LTA4H: variants seen among roughly 807,000 people sequenced by gnomAD.
LTA4H encodes leukotriene A4 hydrolase, also known as leukotriene A-4 hydrolase.
A neutral mutation model predicts 89.8 loss-of-function variants in LTA4H; 59 were observed. The observed-to-expected ratio is 0.66, with a 90% CI of 0.53 to 0.82. LTA4H has a LOEUF of 0.82. Ranked by LOEUF, LTA4H falls within the 40% of genes least tolerant of loss-of-function variation. LTA4H has a pLI of 0.00. For synonymous variants in LTA4H, 227 were observed against 253.1 expected (o/e 0.90, Z 0.98); for missense variants, 617 against 727.0 (o/e 0.85, Z 1.74).
chr12:96,024,200 G>A (rs1326217325), intron 4 of LTA4H, among the ~76,000 whole-genome samples: 1 of 152,046 alleles, frequency 6.6e-6, no homozygotes, highest in Non-Finnish European at 1.5e-5. Flanking sequence ...CCAAAGTGCT[G>A]GGATTACAGG....
chr12:96,027,404 A>C (rs1950524222), intron 3 of LTA4H, 40 bp downstream of exon 3: 4 of 1,547,540 alleles, frequency 2.6e-6, no homozygotes, highest in Non-Finnish European at 3.5e-6. Context: ...ATAGGTGCTG[A>C]AATTTTCTGC....
At chr12:96,019,023 G>A in intron 7 of LTA4H, 120 bp from the exon 8 acceptor site, 12 of 1,205,094 alleles carry the variant, frequency 1.0e-5, no homozygotes, top group Non-Finnish European at 1.4e-5. Context: ...AAATGAAAAT[G>A]ATAAAAAGAA....
At chr12:96,036,046 C>A (rs934774056), upstream of LTA4H, among the ~76,000 whole-genome samples, 2 of 152,302 alleles carry the variant, frequency 1.3e-5, no homozygotes, top group South Asian at 2.1e-4. Flanking sequence ...TGGTGAGTAT[C>A]CCCGCCTGTC....
At chr12:96,013,056 A>C in intron 14 of LTA4H, 132 bp downstream of exon 14, 1 of 673,446 alleles carries the variant, frequency 1.5e-6, no homozygotes, top group South Asian at 2.1e-5. Flanking sequence ...GTTAAGGCCA[A>C]AACACCTAAG....
At chr12:96,037,829 C>T (rs965112403), upstream of LTA4H, among the ~76,000 whole-genome samples, 1 of 151,626 alleles carries the variant, frequency 6.6e-6, no homozygotes, top group African/African-American at 2.4e-5. Context: ...GGACTACAGG[C>T]GCCCGTCACC....
chr12:96,009,234 C>A, intron 14 of LTA4H, 86 bp from the exon 15 acceptor site: 2 of 856,896 alleles, frequency 2.3e-6, no homozygotes, highest in Non-Finnish European at 3.8e-6. Flanking sequence ...ACTTAAATTT[C>A]AAAGTCCCTT....
Position 96,043,230 on chromosome 12 carries a change from T to C in LTA4H, c.87+59A>G, listed in dbSNP as rs1950701555. The C allele has an allele frequency of 2.5e-6, 3 of 1,215,086 alleles. No individual in the cohort carries two copies. The African/African-American group carries it at 4.5e-5, about 18-fold the overall frequency. 75.3% of individuals were successfully genotyped at this position (1,215,086 alleles called of 1,614,324 possible). Reference sequence around the variant, plus strand: ...AGACCCGGGAGGTGAATTGAAGGGGTAGGCAGGGACTCGACTTGAAAGAAC... The same window carrying C: ...AGACCCGGGAGGTGAATTGAAGGGGCAGGCAGGGACTCGACTTGAAAGAAC... On this transcript the variant is annotated intron_variant, in intron 1 of 17. Coordinates refer to the LTA4H transcript ENST00000413268.
chr12:96,035,755 G>T, upstream of LTA4H: 2 of 1,041,904 alleles, frequency 1.9e-6, no homozygotes, highest in African/African-American at 1.6e-5. Context: ...GAGCGTGTGT[G>T]TTAGGGATGT....
At chr12:96,023,093 C>A (rs1950472942) in intron 4 of LTA4H, among the ~76,000 whole-genome samples, 1 of 152,122 alleles carries the variant, frequency 6.6e-6, no homozygotes, top group Non-Finnish European at 1.5e-5. Context: ...CTGATGAATG[C>A]CAGAATAAAG....
intron 14 of LTA4H, chr12:96,009,381 A>C (rs902405449): frequency 3.9e-6 from 2 of 507,728 alleles, no homozygotes; most frequent in African/African-American, 3.9e-5. Context: ...TCTTTTAGAA[A>C]GAATGCCAAA....
At chr12:96,033,508 T>C (rs1282671049) in intron 1 of LTA4H, among the ~76,000 whole-genome samples, 2 of 152,226 alleles carry the variant, frequency 1.3e-5, no homozygotes, top group Admixed American at 6.5e-5. Flanking sequence ...TACTTTTGAA[T>C]GTAGGACGTA....
intron 1 of LTA4H, among the ~76,000 whole-genome samples, chr12:96,030,462 G>T (rs1015048465): frequency 2.6e-5 from 4 of 152,030 alleles, no homozygotes; most frequent in Non-Finnish European, 4.4e-5. Context: ...CATTGAATAG[G>T]CTTCTAAAAA....
At chr12:96,029,937 A>G (rs1037340391) in intron 1 of LTA4H, among the ~76,000 whole-genome samples, 1 of 152,126 alleles carries the variant, frequency 6.6e-6, no homozygotes, top group Non-Finnish European at 1.5e-5. Flanking sequence ...TAAATATTCT[A>G]GTTTTCCTCC....
At chr12:96,011,683 A>G (rs1179499188) in intron 14 of LTA4H, 2 of 152,216 alleles carry the variant, frequency 1.3e-5, no homozygotes, top group African/African-American at 4.8e-5. Flanking sequence ...CTGACAATAA[A>G]TGTGTGCTGG....
chr12:96,036,200 A>G (rs1950645392), upstream of LTA4H, among the ~76,000 whole-genome samples: 1 of 152,206 alleles, frequency 6.6e-6, no homozygotes, highest in African/African-American at 2.4e-5. Flanking sequence ...GCATCTCTCA[A>G]ACGGAGAAAG....
rs189024158 is a variant in LTA4H at position 96,000,981 on chromosome 12, G to T, written c.*8C>A. On this transcript the variant is annotated 3_prime_UTR_variant, in exon 19 of 19. Transcript: ENST00000228740. ...GAGAAATCTCTAAAATCATCAATAC[G>T]CAGGTCTTTAATCCACTTTTAAGTC... is the stretch of plus-strand genomic sequence containing the variant. 2 of 1,537,220 alleles carry T rather than the reference G, an allele frequency of 1.3e-6. No homozygotes were observed. The highest frequency in any genetic ancestry group is 1.1e-5 in the South Asian group (1 of 89,496).
chr12:96,016,765 G>A lies in LTA4H; in HGVS notation c.947+279C>T, dbSNP rs548068917. On this transcript the variant is annotated intron_variant, in intron 10 of 18. Transcript: ENST00000228740. ...AAATACAAAAAATTAGCTGGGCGTG[G>A]TGGCGCATGCCTGTAATCCCAGCTA... Among the ~76,000 whole-genome samples the A allele has an allele frequency of 5.3e-5, 8 of 152,130 alleles. No homozygotes were observed. The East Asian group carries it at 1.5e-3, about 29-fold the overall frequency.
intron 9 of LTA4H, 117 bp downstream of exon 9, chr12:96,017,440 A>T: frequency 1.2e-6 from 1 of 807,784 alleles, no homozygotes; most frequent in Non-Finnish European, 2.0e-6. Context: ...ATGTGAGAAG[A>T]GTCCCCAAAT....
Position 96,018,862 on chromosome 12 carries a change from C to T in LTA4H, c.753G>A (p.Pro251=), listed in dbSNP as rs181715691. Residue 251 remains proline (P), a synonymous_variant, in exon 8 of 19, where the codon CCG becomes CCA. Transcript: ENST00000228740. ...MLKIAEDLGG[P]YVWGQYDLLV... ...ATAGGTCATACTGTCCCCATACATA[C>T]GGTCCTCCCAGATCTTCTGCTATTT... 43 of 1,602,136 alleles carry T rather than the reference C, an allele frequency of 2.7e-5. No individual in the cohort carries two copies. The highest frequency in any genetic ancestry group is 1.1e-4 in the South Asian group (10 of 88,336).
Sources: allele counts gnomAD v4.1 joint callset (sites outside exome capture counted in the v4.1 genomes callset), GRCh38; gene constraint gnomAD v4.1.1; transcripts MANE v1.5; gene names NCBI Gene and HGNC (gene_info 2026-07-23, HGNC 2026-07-21).